Variants in BRD8 observed in about 807,000 individuals in gnomAD.
BRD8 encodes bromodomain-containing protein 8.
In BRD8, 67 loss-of-function variants were observed where a neutral mutation model predicts 143.1. The observed-to-expected ratio is 0.47, with a 90% CI of 0.38 to 0.57. The LOEUF (loss-of-function observed/expected upper bound fraction) is 0.57. Among genes scored for constraint, BRD8 ranks in the 20% least tolerant of loss-of-function variants. BRD8 has a pLI of 0.00. For missense variants in BRD8, 1,103 were observed against 1,503.0 expected (o/e 0.73, Z 4.40); for synonymous variants, 505 against 517.1 (o/e 0.98, Z 0.32).
intron 20 of BRD8, among the ~76,000 whole-genome samples, chr5:138,156,374 G>A (rs980943191): frequency 2.6e-5 from 4 of 151,990 alleles, no homozygotes; most frequent in African/African-American, 4.8e-5. Context: ...TCCTGACCTC[G>A]TGATCTGCCA....
chr5:138,151,547 C>T (rs965822027), intron 21 of BRD8, among the ~76,000 whole-genome samples: 1 of 152,218 alleles, frequency 6.6e-6, no homozygotes, highest in Non-Finnish European at 1.5e-5. Flanking sequence ...GCAAGTATAA[C>T]TTCCCACAAC....
intron 20 of BRD8, chr5:138,156,992 G>C (rs1253566216): frequency 1.5e-6 from 2 of 1,377,804 alleles, no homozygotes; most frequent in Non-Finnish European, 1.9e-6. Context: ...CGATCTGCTA[G>C]CTACACATTA....
At chr5:138,143,479 A>C (rs546592306) in intron 25 of BRD8, among the ~76,000 whole-genome samples, 1 of 152,156 alleles carries the variant, frequency 6.6e-6, no homozygotes, top group Non-Finnish European at 1.5e-5. Context: ...TCTCAAAAAA[A>C]TTTTTTTAAA....
At chr5:138,169,140 C>T in intron 8 of BRD8, 82 bp downstream of exon 8, 5 of 1,495,158 alleles carry the variant, frequency 3.3e-6, no homozygotes, top group South Asian at 1.3e-5. Context: ...GCCTCTAGGC[C>T]AAAAGTGGTT....
In BRD8 at chr5:138,139,976, G is replaced by T. The variant is rs878980918; in HGVS notation, c.*98C>A. 1 of 941,196 alleles carries T rather than the reference G, an allele frequency of 1.1e-6. No individual in the cohort carries two copies. The highest frequency in any genetic ancestry group is 1.5e-5 in the South Asian group (1 of 65,946). 58.3% of individuals were successfully genotyped at this position (941,196 alleles called of 1,614,324 possible). ...TTAAGGTATTATTCTTGTTGGAAAA[G>T]AAAATGAGGACATGGCAAAGAAGTA... On this transcript the variant is annotated 3_prime_UTR_variant, in exon 27 of 27. Coordinates refer to ENST00000254900, the MANE Select transcript of BRD8 (RefSeq NM_139199.2).
intron 20 of BRD8, chr5:138,157,525 A>C (rs1007264252): frequency 3.2e-4 from 166 of 513,666 alleles, no homozygotes; most frequent in Non-Finnish European, 5.3e-4. Flanking sequence ...AGGGTCCCAC[A>C]GAATAACTAT....
intron 26 of BRD8, 106 bp from the exon 27 acceptor site, chr5:138,140,272 A>C: frequency 1.3e-6 from 1 of 795,222 alleles, no homozygotes; most frequent in Non-Finnish European, 2.1e-6. Flanking sequence ...TTTTCTTTAA[A>C]GTATGATGCT....
intron 25 of BRD8, among the ~76,000 whole-genome samples, chr5:138,144,330 T>C (rs1752047843): frequency 1.3e-5 from 2 of 151,950 alleles, no homozygotes; most frequent in South Asian, 4.2e-4. Flanking sequence ...CGGACACATC[T>C]GAACATCCGA....
intron 20 of BRD8, among the ~76,000 whole-genome samples, chr5:138,158,599 C>T (rs796451547): frequency 4.6e-5 from 7 of 151,672 alleles, no homozygotes; most frequent in African/African-American, 1.2e-4. Context: ...CCACCACACC[C>T]GGCTAATTTT....
intron 4 of BRD8, 55 bp from the exon 5 acceptor site, chr5:138,171,215 C>G (rs1753840729): frequency 6.5e-7 from 1 of 1,535,904 alleles, no homozygotes; most frequent in African/African-American, 1.4e-5. Flanking sequence ...CATTTATCCC[C>G]TCTCCTACTT....
chr5:138,149,784 T>A lies in BRD8; in HGVS notation c.3134A>T (p.Gln1045Leu), dbSNP rs1347029459. ...ACCCTGGTCCTCCCCTTTGGATTCT[T>A]GCTGAGCCTCCCCCTAGGAATGCCA... ...LTESEEGEAQ[Q>L]ESKGEDQGEV... Residue 1045 changes from glutamine to leucine, a missense_variant, in exon 23 of 27, where the codon CAA (glutamine) becomes CTA (leucine). Transcript: ENST00000254900. 6.2e-7 allele frequency: 1 copy of A among 1,604,484 alleles called. No individual in the cohort carries two copies. The highest frequency in any genetic ancestry group is 1.7e-5 in the Admixed American group (1 of 57,298).
chr5:138,161,235 A>G (rs1752973546), intron 17 of BRD8, 167 bp from the exon 18 acceptor site: 1 of 533,774 alleles, frequency 1.9e-6, no homozygotes, highest in South Asian at 3.0e-5. Context: ...CCAAGAAACA[A>G]TCTATATAAT....
intron 23 of BRD8, among the ~76,000 whole-genome samples, chr5:138,147,137 C>CA (rs1752186386): frequency 6.6e-6 from 1 of 150,996 alleles, no homozygotes; most frequent in South Asian, 2.1e-4. Context: ...ATTTGTGTAC[C>CA]AAAAATTGAA....
chr5:138,159,262 T>C (rs1358483605), intron 20 of BRD8, among the ~76,000 whole-genome samples: 2 of 151,996 alleles, frequency 1.3e-5, no homozygotes, highest in East Asian at 3.9e-4. Context: ...AAGAAAAGAA[T>C]TGGTAAAAGG....
intron 2 of BRD8, among the ~76,000 whole-genome samples, chr5:138,176,047 A>G (rs1291806226): frequency 6.6e-6 from 1 of 152,158 alleles, no homozygotes; most frequent in African/African-American, 2.4e-5. Context: ...TGTGCACATC[A>G]TCAGCATTAT....
chr5:138,151,382 T>C (rs1278953286), intron 21 of BRD8, among the ~76,000 whole-genome samples: 2 of 152,244 alleles, frequency 1.3e-5, no homozygotes, highest in South Asian at 2.1e-4. Context: ...CTTGCTGATC[T>C]TGATCTAGGG....
intron 2 of BRD8, among the ~76,000 whole-genome samples, chr5:138,175,089 T>C (rs1223640175): frequency 6.6e-6 from 1 of 152,108 alleles, no homozygotes; most frequent in East Asian, 1.9e-4. Context: ...TTTCACCGTG[T>C]TAGCCAGGAT....
intron 2 of BRD8, among the ~76,000 whole-genome samples, chr5:138,175,481 G>A (rs1754245679): frequency 6.6e-6 from 1 of 151,896 alleles, no homozygotes; most frequent in Non-Finnish European, 1.5e-5. Context: ...ACTTTAGGAG[G>A]CTAAGGTGGG....
At chr5:138,144,518 C>A (rs1317703441) in intron 25 of BRD8, among the ~76,000 whole-genome samples, 1 of 152,158 alleles carries the variant, frequency 6.6e-6, no homozygotes, top group African/African-American at 2.4e-5. Context: ...CTTACTATAC[C>A]TATAACTAAC....
Sources: allele counts gnomAD v4.1 joint callset (sites outside exome capture counted in the v4.1 genomes callset), GRCh38; gene constraint gnomAD v4.1.1; transcripts MANE v1.5; gene names NCBI Gene and HGNC (gene_info 2026-07-23, HGNC 2026-07-21).